CLTC: variants seen among roughly 807,000 people sequenced by gnomAD.
The protein encoded by CLTC is clathrin heavy chain 1.
Under a neutral mutation model 195.8 loss-of-function variants are expected in CLTC, and 16 were observed. The observed-to-expected ratio is 0.08, with a 90% CI of 0.06 to 0.12. The LOEUF (loss-of-function observed/expected upper bound fraction) is 0.12. Ranked by LOEUF, CLTC falls within the 10% of genes least tolerant of loss-of-function variation. The pLI is 1.00. For synonymous variants in CLTC, 667 were observed against 689.4 expected (o/e 0.97, Z 0.51); for missense variants, 796 against 2,027.0 (o/e 0.39, Z 11.66).
intron 18 of CLTC, among the ~76,000 whole-genome samples, chr17:59,680,284 TAAG>T (rs1465617864): frequency 6.6e-6 from 1 of 152,120 alleles, no homozygotes; most frequent in Non-Finnish European, 1.5e-5. Flanking sequence ...ATCTTACTAA[TAAG>T]AAGTATAGAA....
rs2032250405 is a variant in CLTC at position 59,648,513 on chromosome 17, T to G, written c.681+112T>G. 2.9e-6 allele frequency: 3 copies of G among 1,052,278 alleles called. No individual in the cohort carries two copies. The highest frequency in any genetic ancestry group is 4.2e-6 in the Non-Finnish European group (3 of 717,284). 65.2% of individuals were successfully genotyped at this position (1,052,278 alleles called of 1,614,324 possible). Reference sequence around the variant, plus strand: ...TCTCCCTTCCTAAGTAATTTTAGTATTCACATTTGTGGTGACTTAATTTGT... The same window carrying G: ...TCTCCCTTCCTAAGTAATTTTAGTAGTCACATTTGTGGTGACTTAATTTGT... On this transcript the variant is annotated intron_variant, in intron 4 of 31. Coordinates refer to ENST00000269122, the MANE Select transcript of CLTC (RefSeq NM_004859.4). The surrounding 1 kb of genome is among the most constrained non-coding windows in gnomAD (Gnocchi z 4.5).
chr17:59,687,749 T>C (rs2033215050), intron 30 of CLTC, among the ~76,000 whole-genome samples: 1 of 152,222 alleles, frequency 6.6e-6, no homozygotes, highest in South Asian at 2.1e-4. Context: ...CTACTTTCTG[T>C]AATAAGGCAT....
chr17:59,675,661 T>G (rs191439194), intron 16 of CLTC, among the ~76,000 whole-genome samples: 6 of 152,218 alleles, frequency 3.9e-5, no homozygotes, highest in Admixed American at 3.9e-4. Context: ...CAAGTGATTT[T>G]ATGTCATAAC....
intron 30 of CLTC, chr17:59,689,970 G>A (rs2033262120): frequency 1.3e-5 from 2 of 152,202 alleles, no homozygotes; most frequent in Non-Finnish European, 2.9e-5. Context: ...ACTTTGAAGA[G>A]TAGCTAGCAT....
At chr17:59,633,417 C>T (rs1051011120) in intron 1 of CLTC, among the ~76,000 whole-genome samples, 13 of 151,718 alleles carry the variant, frequency 8.6e-5, no homozygotes, top group African/African-American at 2.4e-4. Context: ...GGCTTGAACC[C>T]GGGAGGCAGA....
chr17:59,660,722 T>C, intron 7 of CLTC, 134 bp downstream of exon 7: 1 of 864,702 alleles, frequency 1.2e-6, no homozygotes, highest in South Asian at 1.7e-5. Flanking sequence ...CATTTTCCTT[T>C]AGTAGAATTC....
rs2032250323 is a variant in CLTC at position 59,648,512 on chromosome 17, A to G, written c.681+111A>G. 3 of 1,068,210 alleles carry G rather than the reference A, an allele frequency of 2.8e-6. No homozygotes were observed. The highest frequency in any genetic ancestry group is 4.1e-6 in the Non-Finnish European group (3 of 731,068). 66.2% of individuals were successfully genotyped at this position (1,068,210 alleles called of 1,614,324 possible). ...TTCTCCCTTCCTAAGTAATTTTAGT[A>G]TTCACATTTGTGGTGACTTAATTTG... On this transcript the variant is annotated intron_variant, in intron 4 of 31. Transcript: ENST00000269122. The surrounding 1 kb of genome is among the most constrained non-coding windows in gnomAD (Gnocchi z 4.5).
Position 59,683,187 on chromosome 17 carries a change from T to C in CLTC, c.3966T>C (p.Ile1322=). 4.3e-6 allele frequency: 7 copies of C among 1,614,122 alleles called. No homozygotes were observed. Among genetic ancestry groups the C allele is most frequent in the Non-Finnish European group, 5.9e-6 (7 of 1,180,000 alleles). ...TGGGAATGTTTACTGAATTAGCTAT[T>C]CTATACTCTAAATTTAAGCCTCAGA... ...AHMGMFTELA[I]LYSKFKPQKM... Residue 1322 remains isoleucine, a synonymous_variant, in exon 25 of 32, where the codon ATT becomes ATC. Coordinates refer to ENST00000269122, the MANE Select transcript of CLTC (RefSeq NM_004859.4). The surrounding 1 kb of genome is among the most constrained non-coding windows in gnomAD (Gnocchi z 6.1).
At chr17:59,634,224 A>C (rs1181209184) in intron 1 of CLTC, among the ~76,000 whole-genome samples, 5 of 152,096 alleles carry the variant, frequency 3.3e-5, no homozygotes, top group African/African-American at 1.2e-4. Flanking sequence ...CCCTCAAAGT[A>C]AGCCCATTTG....
chr17:59,639,948 T>A (rs2031981757), intron 1 of CLTC, among the ~76,000 whole-genome samples: 1 of 152,120 alleles, frequency 6.6e-6, no homozygotes, highest in Non-Finnish European at 1.5e-5. Flanking sequence ...GGCAAGACCC[T>A]GTCTCAATAA....
intron 1 of CLTC, among the ~76,000 whole-genome samples, chr17:59,642,603 A>G (rs534506483): frequency 6.6e-6 from 1 of 152,336 alleles, no homozygotes; most frequent in Admixed American, 6.5e-5. Flanking sequence ...AGAAAAGTTA[A>G]AGTCAGGAAG....
Position 59,660,470 on chromosome 17 carries a change from G to A in CLTC, c.1049G>A (p.Arg350Lys). Residue 350 changes from arginine to lysine, a missense_variant, in exon 7 of 32, where the codon AGA becomes AAA. This residue lies in a region of CLTC where 293 missense variants were observed against 795.6 expected (regional missense o/e 0.37). Transcript: ENST00000269122. ...CTACAAAATCCTGATTTGGCTCTGA[G>A]AATGGCTGTACGTAATAACTTAGCC... is the stretch of plus-strand genomic sequence containing the variant. ...NVLQNPDLALRMAVRNNLAGA... is the reference protein window; with the variant it reads ...NVLQNPDLALKMAVRNNLAGA... 6.2e-7 allele frequency: 1 copy of A among 1,614,124 alleles called. No individual in the cohort carries two copies. The highest frequency in any genetic ancestry group is 8.5e-7 in the Non-Finnish European group (1 of 1,180,006).
At chr17:59,679,224 G>A in intron 17 of CLTC, 173 bp from the exon 18 acceptor site, 1 of 460,226 alleles carries the variant, frequency 2.2e-6, no homozygotes, top group Non-Finnish European at 3.8e-6. Context: ...GTATTACAAA[G>A]TCTATATAAT....
intron 14 of CLTC, among the ~76,000 whole-genome samples, chr17:59,669,771 G>C (rs2032807183): frequency 6.6e-6 from 1 of 151,972 alleles, no homozygotes. Flanking sequence ...AAGTTCTGAA[G>C]TATTTTTTGT....
At position 59,660,843 on chromosome 17, in the gene CLTC, G is replaced by A. The variant is rs534334692; in HGVS notation, c.1167+255G>A. Among the ~76,000 whole-genome samples, 361 of 152,298 alleles carry A rather than the reference G, an allele frequency of 2.4e-3. 4 individuals carry two copies. The highest frequency in any genetic ancestry group is 7.1e-3 in the African/African-American group (295 of 41,566). On this transcript the variant is annotated intron_variant, in intron 7 of 31. Transcript: ENST00000269122. ...TAGCAAGCTTTTGATTTACATAGAT[G>A]TAGTAATGTTTAGTCATTTAGGTGT...
Position 59,685,492 on chromosome 17 carries a change from C to G in CLTC, c.4606-95C>G. ...GGAGGCTTTTTTCCCCTTGCAAAAC[C>G]AGATTTATATTGGAAAGTTTCCATT... On this transcript the variant is annotated intron_variant, in intron 29 of 31. Transcript: ENST00000269122. The surrounding 1 kb of genome is among the most constrained non-coding windows in gnomAD (Gnocchi z 5.0). 8.6e-7 allele frequency: 1 copy of G among 1,163,078 alleles called. No individual in the cohort carries two copies. The highest frequency in any genetic ancestry group is 1.2e-6 in the Non-Finnish European group (1 of 826,520). 72.0% of individuals were successfully genotyped at this position (1,163,078 alleles called of 1,614,324 possible).
At chr17:59,654,757 A>G (rs2032423520) in intron 5 of CLTC, among the ~76,000 whole-genome samples, 1 of 152,276 alleles carries the variant, frequency 6.6e-6, no homozygotes, top group African/African-American at 2.4e-5. Context: ...CTAGGATTAC[A>G]GGCATTAGCC....
At chr17:59,692,698 G>A (rs937825917) in intron 31 of CLTC, among the ~76,000 whole-genome samples, 7 of 152,084 alleles carry the variant, frequency 4.6e-5, no homozygotes, top group South Asian at 2.1e-4. Context: ...GTGCAGTGGC[G>A]TGATCTCGGC....
At chr17:59,634,922 G>A (rs942066229) in intron 1 of CLTC, among the ~76,000 whole-genome samples, 1 of 152,140 alleles carries the variant, frequency 6.6e-6, no homozygotes, top group Non-Finnish European at 1.5e-5. Context: ...TTTTCACCGC[G>A]ACTGATACTA....
Sources: allele counts gnomAD v4.1 joint callset (sites outside exome capture counted in the v4.1 genomes callset), GRCh38; gene constraint gnomAD v4.1.1; regional missense constraint gnomAD v4.1.1; non-coding constraint Gnocchi (gnomAD v3.1); transcripts MANE v1.5; gene names NCBI Gene and HGNC (gene_info 2026-07-23, HGNC 2026-07-21).